Variants in TBL3 observed in about 807,000 individuals in gnomAD.
TBL3 encodes transducin beta like 3, also known as transducin beta-like protein 3.
TBL3 carries 71 observed loss-of-function variants against 102.7 expected under a neutral mutation model. The ratio of observed to expected loss-of-function variants is 0.69; its 90% CI spans 0.57 to 0.84. The LOEUF is 0.84. Ranked by LOEUF, TBL3 falls within the 40% of genes least tolerant of loss-of-function variation. TBL3 has a pLI of 0.00. For synonymous variants in TBL3, 578 were observed against 477.7 expected (o/e 1.21, Z -2.74); for missense variants, 1,188 against 1,098.5 (o/e 1.08, Z -1.15).
intron 18 of TBL3, 32 bp from the exon 19 acceptor site, chr16:1,977,926 G>A (rs752465433): frequency 6.3e-7 from 1 of 1,587,228 alleles, no homozygotes; most frequent in East Asian, 2.2e-5. Context: ...CCAGCCAGCG[G>A]CCCTCAGTGG....
rs990391429 is a variant in TBL3, at chr16:1,979,881, T to A, written c.*1196T>A. The A allele has an allele frequency of 6.3e-7, 1 of 1,583,054 alleles. No individual in the cohort carries two copies. The highest frequency in any genetic ancestry group is 8.6e-7 in the Non-Finnish European group (1 of 1,165,814). ...CTGGAAACCAGGCGGTCTGCCGGTCTTCGTTCTCCACCAGCCACCAGCCTG... is the reference window on the plus strand; with the variant it reads ...CTGGAAACCAGGCGGTCTGCCGGTCATCGTTCTCCACCAGCCACCAGCCTG... On this transcript the variant is annotated 3_prime_UTR_variant, in exon 22 of 22. Transcript: ENST00000568546.
intron 1 of TBL3, 142 bp from the exon 2 acceptor site, chr16:1,973,914 C>A: frequency 1.2e-6 from 1 of 857,372 alleles, no homozygotes; most frequent in East Asian, 3.0e-5. Flanking sequence ...CTGGTTCCAC[C>A]CCATGCCCTG....
At position 1,974,826 on chromosome 16, in the gene TBL3, G is replaced by A. The variant is rs373997979; in HGVS notation, c.443G>A (p.Arg148Gln). Residue 148 changes from arginine (R) to glutamine (Q), a missense_variant, in exon 6 of 22, where the codon CGA becomes CAA. Arg to Gln is a conservative substitution (Grantham distance 43). Coordinates refer to ENST00000568546, the MANE Select transcript of TBL3 (RefSeq NM_006453.3). ...IVRHYGTHHF[R>Q]GSPGVVHLVA... is the part of the protein sequence containing the mutation. ...CGGCACTACGGGACACACCACTTCC[G>A]AGGCTCGCCCGGTGTCGTGCAGTGA... is the stretch of plus-strand genomic sequence containing the variant. 5.2e-5 allele frequency: 84 copies of A among 1,613,192 alleles called. 1 individual carries two copies. The highest frequency in any genetic ancestry group is 5.2e-4 in the South Asian group (47 of 91,092).
In TBL3 at chr16:1,981,373, T is replaced by G; in HGVS notation, c.*2688T>G. 7.3e-7 allele frequency: 1 copy of G among 1,366,158 alleles called. No homozygotes were observed. The highest frequency in any genetic ancestry group is 9.6e-7 in the Non-Finnish European group (1 of 1,038,264). The allele number at this position is 1,366,158 out of a possible 1,614,324, so 84.6% of individuals were successfully genotyped here. ...TTCTTGCTGTCCCCCAAGCCCACGA[T>G]CTGGGGGCAGGAGCACAGGGATTGG... On this transcript the variant is annotated 3_prime_UTR_variant, in exon 22 of 22. Coordinates refer to ENST00000568546, the MANE Select transcript of TBL3 (RefSeq NM_006453.3).
rs757468755 is a variant in TBL3, at chr16:1,980,551, G to A, written c.*1866G>A. ...CGTCCCAACAGTGGTGCATCTTAAG[G>A]CACCACAAAAACGTACTGTGATACG... is the stretch of plus-strand genomic sequence containing the variant. On this transcript the variant is annotated 3_prime_UTR_variant, in exon 22 of 22. Coordinates refer to ENST00000568546, the MANE Select transcript of TBL3 (RefSeq NM_006453.3). 1.9e-6 allele frequency: 3 copies of A among 1,600,738 alleles called. No homozygotes were observed. Among genetic ancestry groups the A allele is most frequent in the Non-Finnish European group, 2.6e-6 (3 of 1,174,728 alleles).
intron 16 of TBL3, 32 bp downstream of exon 16, chr16:1,977,458 T>TGGGGGG: frequency 3.4e-6 from 2 of 594,046 alleles, no homozygotes; most frequent in Admixed American, 5.1e-5. Flanking sequence ...AGCGATGGAG[T>TGGGGGG]GGGGGGTGGC....
chr16:1,975,155 G>A (rs566519122), intron 7 of TBL3, 32 bp from the exon 8 acceptor site: 1 of 1,613,712 alleles, frequency 6.2e-7, no homozygotes, highest in Non-Finnish European at 8.5e-7. Flanking sequence ...CTGAGGCTAA[G>A]ACTTGACCTG....
chr16:1,972,827 A>G (rs1285051506), intron 1 of TBL3, among the ~76,000 whole-genome samples: 2 of 152,284 alleles, frequency 1.3e-5, no homozygotes, highest in Non-Finnish European at 1.5e-5. Context: ...GGGAGGGTCA[A>G]CTGGGTGCGG....
chr16:1,973,233 A>T (rs902536398), intron 1 of TBL3, among the ~76,000 whole-genome samples: 2 of 152,080 alleles, frequency 1.3e-5, no homozygotes, highest in African/African-American at 4.8e-5. Context: ...CGAGGTCAGG[A>T]GATTGAGACC....
chr16:1,979,257 T>A lies in TBL3; in HGVS notation c.*572T>A, dbSNP rs760309255. 6.5e-7 allele frequency: 1 copy of A among 1,527,506 alleles called. No homozygotes were observed. Among genetic ancestry groups the A allele is most frequent in the South Asian group, 1.2e-5 (1 of 83,260 alleles). The allele number at this position is 1,527,506 out of a possible 1,614,324, so 94.6% of individuals were successfully genotyped here. ...GCCCCGGGCCTCACCCGCCGGGTCG[T>A]CTCCTCCACGGAACCCCGTCCCGCT... On this transcript the variant is annotated 3_prime_UTR_variant, in exon 22 of 22. Coordinates refer to ENST00000568546, the MANE Select transcript of TBL3 (RefSeq NM_006453.3).
At chr16:1,977,876 G>A (rs2083417075) in intron 18 of TBL3, 76 bp downstream of exon 18, 2 of 1,596,116 alleles carry the variant, frequency 1.3e-6, no homozygotes, top group African/African-American at 1.3e-5. Context: ...CTGAGTGCCA[G>A]GCTCCCTGCC....
intron 1 of TBL3, among the ~76,000 whole-genome samples, chr16:1,973,205 G>A (rs2083373349): frequency 1.3e-5 from 2 of 152,172 alleles, no homozygotes; most frequent in South Asian, 4.1e-4. Context: ...GCTTTTGGAG[G>A]CCGAAGCGGG....
rs148232934 is a variant in TBL3 at position 1,980,260 on chromosome 16, C to T, written c.*1575C>T. ...TGGGGGCGCCACCCCGGCAAGACCG[C>T]CAGCCTCCCACTCTCTGCCCCTATT... On this transcript the variant is annotated 3_prime_UTR_variant, in exon 22 of 22. Coordinates refer to ENST00000568546, the MANE Select transcript of TBL3 (RefSeq NM_006453.3). The T allele has an allele frequency of 1.1e-3, 1,666 of 1,519,610 alleles. 34 individuals carry two copies. The East Asian group carries it at 0.032, about 29-fold the overall frequency. 94.1% of individuals were successfully genotyped at this position (1,519,610 alleles called of 1,614,324 possible). A position where few individuals can be genotyped will look rare whatever the true frequency, so the allele number is the denominator to read the frequency against.
chr16:1,980,040 C>A lies in TBL3; in HGVS notation c.*1355C>A. 15 of 1,606,472 alleles carry A rather than the reference C, an allele frequency of 9.3e-6. No homozygotes were observed. Among genetic ancestry groups the A allele is most frequent in the Non-Finnish European group, 1.3e-5 (15 of 1,177,808 alleles). On this transcript the variant is annotated 3_prime_UTR_variant, in exon 22 of 22. Transcript: ENST00000568546. ...GCACGTCCAGGCTCTCCTGGGCCTG[C>A]GCCTGAAAAGGCCTATCCCGCGTGT...
Position 1,981,039 on chromosome 16 carries a change from G to A in TBL3, c.*2354G>A, listed in dbSNP as rs934510293. On this transcript the variant is annotated 3_prime_UTR_variant, in exon 22 of 22. Transcript: ENST00000568546. ...AAACGTCTGGGGGACAAAAAGTTGGGAGTGCCGTGGAGGTGCTGGTCCAGG... is the reference window on the plus strand; with the variant it reads ...AAACGTCTGGGGGACAAAAAGTTGGAAGTGCCGTGGAGGTGCTGGTCCAGG... 6.8e-6 allele frequency: 11 copies of A among 1,612,690 alleles called. No individual in the cohort carries two copies. The highest frequency in any genetic ancestry group is 1.1e-5 in the South Asian group (1 of 91,078).
chr16:1,976,343 G>A (rs1338047691), intron 13 of TBL3, 29 bp downstream of exon 13: 1 of 1,590,906 alleles, frequency 6.3e-7, no homozygotes, highest in African/African-American at 1.3e-5. Context: ...GCCCAGGGGT[G>A]TCAGGGAGGT....
chr16:1,979,529 A>G lies in TBL3; in HGVS notation c.*844A>G, dbSNP rs780182707. The G allele has an allele frequency of 7.2e-5, 116 of 1,610,730 alleles. No individual in the cohort carries two copies. The highest frequency in any genetic ancestry group is 9.3e-5 in the Non-Finnish European group (110 of 1,178,714). ...GGCTGCTCTCGTAGGCGCGGGAAGC[A>G]CAGAACTGGGGACCTGGTGGGAGTG... is the stretch of plus-strand genomic sequence containing the variant. On this transcript the variant is annotated 3_prime_UTR_variant, in exon 22 of 22. Coordinates refer to ENST00000568546, the MANE Select transcript of TBL3 (RefSeq NM_006453.3).
chr16:1,980,431 G>C lies in TBL3; in HGVS notation c.*1746G>C. ...GGTGCGAAGAAGCCAGTGATCGTCG[G>C]GCTCCGTGCCACGCGCTCTGCAGTC... On this transcript the variant is annotated 3_prime_UTR_variant, in exon 22 of 22. Coordinates refer to ENST00000568546, the MANE Select transcript of TBL3 (RefSeq NM_006453.3). 5.0e-6 allele frequency: 8 copies of C among 1,602,468 alleles called. No homozygotes were observed. Among genetic ancestry groups the C allele is most frequent in the Non-Finnish European group, 5.9e-6 (7 of 1,179,864 alleles).
chr16:1,977,678 G>A lies in TBL3; in HGVS notation c.1899+8G>A, dbSNP rs1477753179. 6.4e-7 allele frequency: 1 copy of A among 1,551,800 alleles called. No individual in the cohort carries two copies. Among genetic ancestry groups the A allele is most frequent in the South Asian group, 1.2e-5 (1 of 84,202 alleles). The stretch of plus-strand genomic sequence containing the variant: ...CGAGTCATCCTCTGGAAGGTTGTGG[G>A]CCCCAAGGGCAGGGAAGAGTCGGGG... On this transcript the variant is annotated splice_region_variant and intron_variant, in intron 17 of 21. Transcript: ENST00000568546.
Sources: gnomAD v4.1 joint callset for allele counts (sites outside exome capture counted in the v4.1 genomes callset) on GRCh38, gnomAD v4.1.1 for gene constraint, MANE v1.5 for transcripts, NCBI Gene and HGNC (gene_info 2026-07-23, HGNC 2026-07-21) for gene names.